PRRG1: variants seen among roughly 807,000 people sequenced by gnomAD.
The protein encoded by PRRG1 is transmembrane gamma-carboxyglutamic acid protein 1.
Under a neutral mutation model 11.8 loss-of-function variants are expected in PRRG1, and 5 were observed. The observed-to-expected ratio is 0.42, with a 90% CI of 0.22 to 0.89. PRRG1 has a LOEUF of 0.89. Ranked by LOEUF, PRRG1 falls within the 40% of genes least tolerant of loss-of-function variation. The pLI is 0.28. For missense variants in PRRG1, 155 were observed against 166.1 expected (o/e 0.93, Z 0.37); for synonymous variants, 66 against 60.4 (o/e 1.09, Z -0.43).
chrX:37,428,121 A>T (rs1325855803), intron 3 of PRRG1, among the ~76,000 whole-genome samples: 1 of 111,340 alleles, frequency 9.0e-6, no homozygotes, highest in Non-Finnish European at 1.9e-5. Context: ...ACATGTGGGA[A>T]TTCTGGGAGA....
rs781861109 is a variant in PRRG1, at chrX:37,405,540, ATGAG to A, written c.-41-666_-41-663del. On this transcript the variant is annotated intron_variant, in intron 1 of 3. Coordinates refer to ENST00000378628, the MANE Select transcript of PRRG1 (RefSeq NM_001142395.2). ...GATATGAATTGGTTTCTGTGTATGT[ATGAG>A]TGTTTTTTTTTTTCATCTTTTGGAA... 8.5e-4 allele frequency among the ~76,000 whole-genome samples: 94 copies of A among 110,876 alleles called. 1 individual carries two copies. The highest frequency in any genetic ancestry group is 6.9e-3 in the South Asian group (18 of 2,604).
chrX:37,351,426 C>T (rs1260473872), intron 1 of PRRG1, among the ~76,000 whole-genome samples: 6 of 107,200 alleles, frequency 5.6e-5, no homozygotes, highest in African/African-American at 1.7e-4. Context: ...ACCCGGGAGG[C>T]GGAGCTTGCC....
At chrX:37,423,246 AAAG>A (rs1221336455) in intron 2 of PRRG1, among the ~76,000 whole-genome samples, 20 of 110,977 alleles carry the variant, frequency 1.8e-4, no homozygotes, top group Middle Eastern at 4.8e-3. Context: ...TTTTAACAAA[AAAG>A]TTAAATTTTA....
At chrX:37,406,420 C>T (rs185741759) in intron 2 of PRRG1, among the ~76,000 whole-genome samples, 161 bp downstream of exon 2, 2 of 110,672 alleles carry the variant, frequency 1.8e-5, no homozygotes, top group East Asian at 5.6e-4. Context: ...AGAGAAAGAC[C>T]ATCAACCACA....
At position 37,376,551 on chromosome X, in the gene PRRG1, G is replaced by GTGTATATATATATATATATATA. The variant is rs1556372318; in HGVS notation, c.-42+27157_-42+27158insGTATATATATATATATATATAT. ...TCAGTGTTTAGTCAGAAATGTGAGTGTATATATATATATATATATATGTGC... is the reference window on the plus strand; with the variant it reads ...TCAGTGTTTAGTCAGAAATGTGAGTGTGTATATATATATATATATATATATATATATATATATATATATGTGC... On this transcript the variant is annotated intron_variant, in intron 1 of 3. Coordinates refer to ENST00000378628, the MANE Select transcript of PRRG1 (RefSeq NM_001142395.2). 7.8e-4 allele frequency among the ~76,000 whole-genome samples: 21 copies of GTGTATATATATATATATATATA among 26,909 alleles called. 1 individual carries two copies. The highest frequency in any genetic ancestry group is 2.4e-3 in the Admixed American group (3 of 1,272). The allele number at this position is 26,909 out of a possible 115,157, so 23.4% of individuals were successfully genotyped here.
At chrX:37,420,990 C>A (rs1556386909) in intron 2 of PRRG1, among the ~76,000 whole-genome samples, 1 of 112,186 alleles carries the variant, frequency 8.9e-6, no homozygotes, top group East Asian at 2.8e-4. Context: ...TTCAGTCTTA[C>A]AATAGAGCTC....
chrX:37,411,907 G>A (rs1556383989), intron 2 of PRRG1, among the ~76,000 whole-genome samples: 1 of 111,596 alleles, frequency 9.0e-6, no homozygotes, highest in African/African-American at 3.3e-5. Flanking sequence ...ACTTTGTGGA[G>A]GATAATCTGA....
At chrX:37,441,096 G>A in intron 3 of PRRG1, 2 of 932,848 alleles carry the variant, frequency 2.1e-6, no homozygotes, top group Non-Finnish European at 2.7e-6. Flanking sequence ...TTAAACTCAA[G>A]GCAAACTCTA....
chrX:37,453,687 A>G lies in PRRG1; in HGVS notation c.*66A>G. ...TAATGGAAGAACTTTCTAGCACTTT[A>G]CCACTACATAAATGTTCATTGACTT... On this transcript the variant is annotated 3_prime_UTR_variant, in exon 4 of 4. Coordinates refer to ENST00000378628, the MANE Select transcript of PRRG1 (RefSeq NM_001142395.2). The G allele has an allele frequency of 9.7e-7, 1 of 1,027,279 alleles. No individual in the cohort carries two copies. The highest frequency in any genetic ancestry group is 2.7e-4 in the Middle Eastern group (1 of 3,733). The allele number at this position is 1,027,279 out of a possible 1,213,427, so 84.7% of individuals were successfully genotyped here. A position where few individuals can be genotyped will look rare whatever the true frequency, so the allele number is the denominator to read the frequency against.
chrX:37,405,220 G>A (rs1932150646), intron 1 of PRRG1, among the ~76,000 whole-genome samples: 1 of 111,756 alleles, frequency 8.9e-6, no homozygotes, highest in Non-Finnish European at 1.9e-5. Context: ...TTAACATGCT[G>A]TGGAGGATAA....
intron 3 of PRRG1, among the ~76,000 whole-genome samples, chrX:37,431,026 T>C (rs1428928125): frequency 1.8e-5 from 2 of 112,357 alleles, no homozygotes; most frequent in Non-Finnish European, 3.8e-5. Context: ...TGATATTGGC[T>C]TTTTAGAGTC....
At chrX:37,432,705 C>T (rs891798176) in intron 3 of PRRG1, among the ~76,000 whole-genome samples, 6 of 112,156 alleles carry the variant, frequency 5.3e-5, no homozygotes, top group African/African-American at 1.6e-4. Flanking sequence ...CACTTGCTCC[C>T]CTGGTGATCT....
intron 2 of PRRG1, among the ~76,000 whole-genome samples, chrX:37,418,130 G>T (rs1932552065): frequency 8.9e-6 from 1 of 112,403 alleles, no homozygotes; most frequent in Non-Finnish European, 1.9e-5. Context: ...CAGGTAGCCA[G>T]TTTACTGCCA....
chrX:37,420,710 A>G (rs973610161), intron 2 of PRRG1, among the ~76,000 whole-genome samples: 25 of 107,916 alleles, frequency 2.3e-4, no homozygotes, highest in Admixed American at 8.0e-4. Context: ...AAAAGAAAAA[A>G]GAGAAGTCAA....
intron 1 of PRRG1, among the ~76,000 whole-genome samples, chrX:37,356,881 G>A (rs1490104412): frequency 9.0e-6 from 1 of 111,168 alleles, no homozygotes; most frequent in Non-Finnish European, 1.9e-5. Context: ...TACATTTGTT[G>A]CTGTTCATGA....
intron 3 of PRRG1, among the ~76,000 whole-genome samples, chrX:37,427,410 C>T (rs149991540): frequency 0.035 from 3,925 of 111,894 alleles, 74 homozygotes; most frequent in Non-Finnish European, 0.053. Flanking sequence ...CCATCACCTC[C>T]TAAAGTTTCC....
intron 1 of PRRG1, among the ~76,000 whole-genome samples, chrX:37,355,140 A>G (rs1930197282): frequency 1.8e-5 from 2 of 110,290 alleles, no homozygotes; most frequent in South Asian, 4.0e-4. Context: ...GCTGGTCTCA[A>G]ACTCCTGGGC....
Position 37,381,947 on chromosome X carries a change from GAACA to G in PRRG1, c.-41-24255_-41-24252del, listed in dbSNP as rs782562191. On this transcript the variant is annotated intron_variant, in intron 1 of 3. Coordinates refer to ENST00000378628, the MANE Select transcript of PRRG1 (RefSeq NM_001142395.2). Reference sequence around the variant, plus strand: ...ATATGCATATAATAACCCCTGCAATGAACAAACAAAGTGTGCACAGATTATATCT... The same window carrying G: ...ATATGCATATAATAACCCCTGCAATGAACAAAGTGTGCACAGATTATATCT... Among the ~76,000 whole-genome samples the G allele has an allele frequency of 1.3e-4, 15 of 111,557 alleles. No homozygotes were observed. In the South Asian group the frequency reaches 4.1e-3, roughly 31 times the overall value.
intron 3 of PRRG1, among the ~76,000 whole-genome samples, chrX:37,436,937 G>A (rs1932890882): frequency 8.9e-6 from 1 of 112,120 alleles, no homozygotes; most frequent in Non-Finnish European, 1.9e-5. Context: ...TGGTTTCCTG[G>A]AACTCCCAAA....
Sources: allele counts gnomAD v4.1 joint callset (sites outside exome capture counted in the v4.1 genomes callset), GRCh38; gene constraint gnomAD v4.1.1; transcripts MANE v1.5; gene names NCBI Gene and HGNC (gene_info 2026-07-23, HGNC 2026-07-21).